CNTN5: variants seen among roughly 807,000 people sequenced by gnomAD.
CNTN5 encodes the protein contactin-5.
Under a neutral mutation model 129.1 loss-of-function variants are expected in CNTN5, and 77 were observed. The observed-to-expected ratio is 0.60, with a 90% confidence interval of 0.50 to 0.72. The LOEUF (loss-of-function observed/expected upper bound fraction) is 0.72. CNTN5 is among the 30% of genes least tolerant of loss of function. The pLI, the probability that CNTN5 is intolerant of heterozygous loss-of-function variation, is 0.00. For missense variants in CNTN5, 1,478 were observed against 1,328.8 expected, an observed-to-expected ratio of 1.11 and a Z score of -1.75; for synonymous variants, 509 against 465.6, an observed-to-expected ratio of 1.09 and a Z score of -1.20.
intron 6 of CNTN5, among the ~76,000 whole-genome samples, chr11:99,880,229 A>G (rs1591357251): frequency 6.6e-6 from 1 of 152,226 alleles, no homozygotes; most frequent in South Asian, 2.1e-4. Flanking sequence ...AATAAATAGC[A>G]TTCATGTTGC....
chr11:99,801,506 A>T (rs1416245883), intron 3 of CNTN5, among the ~76,000 whole-genome samples: 1 of 152,146 alleles, frequency 6.6e-6, no homozygotes, highest in African/African-American at 2.4e-5. Flanking sequence ...ATTTTCTTGA[A>T]TTACTCTCTT....
At chr11:99,673,763 A>T (rs1953150433) in intron 3 of CNTN5, among the ~76,000 whole-genome samples, 1 of 17,332 alleles carries the variant, frequency 5.8e-5, no homozygotes, top group Non-Finnish European at 1.3e-3. Flanking sequence ...GTGTCCCTGC[A>T]GAAAAAAAAA....
At chr11:99,439,633 G>T (rs573797723) in intron 2 of CNTN5, among the ~76,000 whole-genome samples, 1 of 143,736 alleles carries the variant, frequency 7.0e-6, no homozygotes. Flanking sequence ...GCTTGAACCC[G>T]GAAGGCGGAG....
At chr11:99,990,721 C>G (rs1213968126) in intron 8 of CNTN5, among the ~76,000 whole-genome samples, 1 of 151,878 alleles carries the variant, frequency 6.6e-6, no homozygotes, top group Non-Finnish European at 1.5e-5. Flanking sequence ...CTCAGTGGTT[C>G]TTTAAGGAAT....
At position 99,654,371 on chromosome 11, in the gene CNTN5, G is replaced by A. The variant is rs933262825; in HGVS notation, c.55+98102G>A. 3.9e-5 allele frequency among the ~76,000 whole-genome samples: 6 copies of A among 152,002 alleles called. No homozygotes were observed. The South Asian group carries it at 1.2e-3, about 31-fold the overall frequency. The stretch of plus-strand genomic sequence containing the variant: ...AGGGGTGTATCAGCTTCTTAAATAG[G>A]CCATTGGCATTCTTAGAGGTTTAGC... On this transcript the variant is annotated intron_variant, in intron 3 of 24. Coordinates refer to ENST00000524871, the MANE Select transcript of CNTN5 (RefSeq NM_014361.4).
intron 1 of CNTN5, among the ~76,000 whole-genome samples, chr11:99,267,920 G>GCA (rs141288502): frequency 0.034 from 4,842 of 140,442 alleles, 97 homozygotes; most frequent in African/African-American, 0.056. Context: ...ACACACACAC[G>GCA]CACACACACA....
At chr11:99,411,217 G>T (rs1212188599) in intron 2 of CNTN5, among the ~76,000 whole-genome samples, 1 of 152,010 alleles carries the variant, frequency 6.6e-6, no homozygotes. Context: ...TTTTTCAGTT[G>T]AGGAAGCCAG....
At position 99,726,641 on chromosome 11, in the gene CNTN5, G is replaced by A. The variant is rs373281750; in HGVS notation, c.56-92903G>A. 3.3e-5 allele frequency among the ~76,000 whole-genome samples: 5 copies of A among 151,848 alleles called. No homozygotes were observed. In the South Asian group the frequency reaches 6.2e-4, roughly 19 times the overall value. On this transcript the variant is annotated intron_variant, in intron 3 of 24. Transcript: ENST00000524871. ...AAATCCTAAAAAATAGGAAACTATC[G>A]TCTCCATTTTACATATGACAATTCT...
intron 7 of CNTN5, among the ~76,000 whole-genome samples, chr11:99,955,568 C>CTT (rs77724981): frequency 7.3e-5 from 11 of 150,340 alleles, no homozygotes; most frequent in African/African-American, 2.2e-4. Flanking sequence ...GTAATTTCCC[C>CTT]TTTTTTTTTG....
chr11:100,299,080 ATT>A, intron 19 of CNTN5, 80 bp from the exon 20 acceptor site: 3 of 887,018 alleles, frequency 3.4e-6, no homozygotes, highest in Admixed American at 5.8e-5. Flanking sequence ...GCTATCTATA[ATT>A]TTTTTTAATT....
At chr11:99,389,386 A>C (rs1941116647) in intron 2 of CNTN5, among the ~76,000 whole-genome samples, 1 of 152,190 alleles carries the variant, frequency 6.6e-6, no homozygotes, top group Non-Finnish European at 1.5e-5. Flanking sequence ...TGCAATGGAA[A>C]TAACTAAATC....
At chr11:99,432,444 T>TCTTTTCTTTTCTTTC (rs1319950766) in intron 2 of CNTN5, among the ~76,000 whole-genome samples, 1,636 of 139,382 alleles carry the variant, frequency 0.012, 23 homozygotes, top group Non-Finnish European at 0.018. Flanking sequence ...TCTTTCCTTT[T>TCTTTTCTTTTCTTTC]CTTTTCTTTT....
chr11:99,452,066 T>C (rs192597768), intron 2 of CNTN5, among the ~76,000 whole-genome samples: 5 of 152,244 alleles, frequency 3.3e-5, no homozygotes, highest in African/African-American at 1.2e-4. Flanking sequence ...TTCATAGAAC[T>C]TTAGAACCCC....
intron 3 of CNTN5, among the ~76,000 whole-genome samples, chr11:99,633,375 G>C (rs1324113009): frequency 1.3e-5 from 2 of 152,132 alleles, no homozygotes; most frequent in Admixed American, 1.3e-4. Context: ...CTAATTTTCA[G>C]ATCTAAAAAG....
rs7105653 is a variant in CNTN5, at chr11:99,819,456, G to C, written c.56-88G>C. The C allele has an allele frequency of 1.6e-4, 184 of 1,154,354 alleles. No homozygotes were observed. In the African/African-American group the frequency reaches 2.7e-3, roughly 17 times the overall value. 71.5% of individuals were successfully genotyped at this position (1,154,354 alleles called of 1,614,324 possible). A position where few individuals can be genotyped will look rare whatever the true frequency, so the allele number is the denominator to read the frequency against. On this transcript the variant is annotated intron_variant, in intron 3 of 24. Transcript: ENST00000524871. ...CTTGCAGCTCCAAAGAAGGTTTTTA[G>C]TAATGTCTTCAAAGAAACAATCTTC...
intron 2 of CNTN5, among the ~76,000 whole-genome samples, chr11:99,481,376 C>T (rs1945594714): frequency 6.6e-6 from 1 of 152,112 alleles, no homozygotes; most frequent in Admixed American, 6.6e-5. Context: ...TTAGAGTGCT[C>T]TATTTTCTGA....
chr11:99,148,348 A>G (rs1254282760), intron 1 of CNTN5, among the ~76,000 whole-genome samples: 2 of 151,082 alleles, frequency 1.3e-5, no homozygotes. Flanking sequence ...AACTTTAGTT[A>G]GCACAGTTTA....
chr11:100,198,120 CT>C (rs1948693337), intron 15 of CNTN5, among the ~76,000 whole-genome samples: 1 of 151,884 alleles, frequency 6.6e-6, no homozygotes, highest in Admixed American at 6.6e-5. Context: ...TCACTGACCA[CT>C]TCTTATGTGT....
intron 6 of CNTN5, among the ~76,000 whole-genome samples, chr11:99,889,767 G>A (rs1383792060): frequency 1.3e-5 from 2 of 152,054 alleles, no homozygotes; most frequent in African/African-American, 2.4e-5. Flanking sequence ...GGCTGGTCTC[G>A]ATCTCCTGAC....
Sources: allele counts gnomAD v4.1 joint callset (sites outside exome capture counted in the v4.1 genomes callset), GRCh38; gene constraint gnomAD v4.1.1; transcripts MANE v1.5; gene names NCBI Gene and HGNC (gene_info 2026-07-23, HGNC 2026-07-21).